The following WDPCP variants were observed in gnomAD, a reference collection of about 807,000 sequenced individuals.
The protein encoded by WDPCP is WD repeat containing planar cell polarity effector.
Under a neutral mutation model 93.1 loss-of-function variants are expected in WDPCP, and 71 were observed. The observed-to-expected ratio is 0.76, with a 90% CI of 0.63 to 0.93. WDPCP has a LOEUF of 0.93. Ranked by LOEUF, WDPCP falls within the 40% of genes least tolerant of loss-of-function variation. WDPCP has a pLI of 0.00. For synonymous variants in WDPCP, 315 were observed against 315.0 expected (o/e 1.00, Z 0.00); for missense variants, 844 against 887.4 (o/e 0.95, Z 0.62).
intron 14 of WDPCP, among the ~76,000 whole-genome samples, chr2:63,176,396 A>T (rs1673805232): frequency 6.6e-6 from 1 of 151,944 alleles, no homozygotes. Flanking sequence ...ACAGGTGTGT[A>T]CCACAATGCA....
chr2:63,643,998 GC>G, intron 3 of WDPCP: 1 of 468,316 alleles, frequency 2.1e-6, no homozygotes. Context: ...AGCATCCAAT[GC>G]TTTGGAGCTG....
At chr2:63,443,245 G>A (rs1426790171) in intron 6 of WDPCP, 2 of 152,082 alleles carry the variant, frequency 1.3e-5, no homozygotes, top group Non-Finnish European at 2.9e-5. Flanking sequence ...TTCAAGTGTG[G>A]ACACAGATAA....
At chr2:63,180,493 A>C (rs2104080629) in intron 14 of WDPCP, among the ~76,000 whole-genome samples, 1 of 152,174 alleles carries the variant, frequency 6.6e-6, no homozygotes, top group South Asian at 2.1e-4. Flanking sequence ...CAGTTCCATC[A>C]ATGTTGCTGC....
chr2:63,426,236 A>C (rs1696281030), intron 9 of WDPCP, among the ~76,000 whole-genome samples: 1 of 152,096 alleles, frequency 6.6e-6, no homozygotes, highest in South Asian at 2.1e-4. Flanking sequence ...GCTACTCAGG[A>C]GTCTGAGGCA....
At position 63,707,291 on chromosome 2, in the gene WDPCP, C is replaced by T. The variant is rs534424676; in HGVS notation, n.309-56453G>A. 2.6e-5 allele frequency among the ~76,000 whole-genome samples: 4 copies of T among 152,316 alleles called. No individual in the cohort carries two copies. The South Asian group carries it at 8.3e-4, about 32-fold the overall frequency. On this transcript the variant is annotated intron_variant and non_coding_transcript_variant, in intron 2 of 4. Coordinates refer to the WDPCP transcript ENST00000467687. ...ATCAGATGTAGATTTGGTCTTTTCA[C>T]ATAGTCCCATATTTCTTGGAGGCTT...
chr2:63,475,423 G>A (rs896540325), intron 6 of WDPCP, among the ~76,000 whole-genome samples: 1 of 151,950 alleles, frequency 6.6e-6, no homozygotes, highest in Admixed American at 6.6e-5. Context: ...CTGAACTTAA[G>A]ATACTGTACT....
At chr2:63,191,252 C>T (rs1321112729) in intron 14 of WDPCP, among the ~76,000 whole-genome samples, 2 of 152,034 alleles carry the variant, frequency 1.3e-5, no homozygotes, top group Admixed American at 6.5e-5. Flanking sequence ...ATTAGCCAGG[C>T]GTGGTGGCGG....
At chr2:63,169,568 A>G (rs1282288904) in intron 15 of WDPCP, among the ~76,000 whole-genome samples, 2 of 152,208 alleles carry the variant, frequency 1.3e-5, no homozygotes, top group South Asian at 2.1e-4. Context: ...CCTTCTGGTA[A>G]AAAGATCAAA....
In WDPCP at chr2:63,303,614, C is replaced by T. The variant is rs192350260; in HGVS notation, c.1812+9634G>A. ...ACACATACCCCTCTGGAGTGGTCCA[C>T]TGACTGAGGTTGGAGGCCTTTTGGC... On this transcript the variant is annotated intron_variant, in intron 13 of 17. Coordinates refer to ENST00000272321, the MANE Select transcript of WDPCP (RefSeq NM_015910.7). Among the ~76,000 whole-genome samples, 15 of 152,282 alleles carry T rather than the reference C, an allele frequency of 9.9e-5. No homozygotes were observed. The South Asian group carries it at 1.0e-3, about 11-fold the overall frequency.
At chr2:63,291,983 A>C (rs1216324034) in intron 13 of WDPCP, among the ~76,000 whole-genome samples, 2 of 151,336 alleles carry the variant, frequency 1.3e-5, no homozygotes, top group African/African-American at 4.8e-5. Flanking sequence ...AATACAAAAA[A>C]TTAGCCGGGC....
chr2:63,616,298 G>A (rs938655326), intron 3 of WDPCP, among the ~76,000 whole-genome samples: 7 of 152,058 alleles, frequency 4.6e-5, no homozygotes, highest in African/African-American at 1.7e-4. Flanking sequence ...ATTATAAATG[G>A]AAAAGCCTTG....
intron 1 of WDPCP, among the ~76,000 whole-genome samples, chr2:63,569,326 T>C (rs1707302425): frequency 1.3e-5 from 2 of 152,192 alleles, no homozygotes; most frequent in Admixed American, 1.3e-4. Context: ...AAGAATGCAA[T>C]TGGGAAGGGA....
intron 6 of WDPCP, among the ~76,000 whole-genome samples, chr2:63,481,285 T>C (rs1042575882): frequency 3.3e-5 from 5 of 152,100 alleles, no homozygotes; most frequent in Admixed American, 1.3e-4. Context: ...ACTTTTACAC[T>C]GCTGGTGAAA....
At chr2:63,167,770 T>A (rs1024936506) in intron 15 of WDPCP, among the ~76,000 whole-genome samples, 2 of 152,200 alleles carry the variant, frequency 1.3e-5, no homozygotes, top group African/African-American at 4.8e-5. Context: ...TTATTATGTT[T>A]AGGTATTATT....
intron 13 of WDPCP, among the ~76,000 whole-genome samples, chr2:63,281,672 C>T (rs1053260698): frequency 1.3e-5 from 2 of 152,132 alleles, no homozygotes; most frequent in African/African-American, 4.8e-5. Flanking sequence ...ATGGCATTTG[C>T]AGCAACCTGG....
chr2:63,488,901 C>G (rs1166983564), intron 2 of WDPCP, among the ~76,000 whole-genome samples: 7 of 151,734 alleles, frequency 4.6e-5, no homozygotes, highest in Admixed American at 3.3e-4. Context: ...AAAACACAAG[C>G]AGAATAAGGA....
intron 1 of WDPCP, among the ~76,000 whole-genome samples, chr2:63,561,371 G>C (rs575714310): frequency 6.6e-6 from 1 of 151,984 alleles, no homozygotes; most frequent in Non-Finnish European, 1.5e-5. Context: ...CCAGCTGCTC[G>C]GGAGGCTGAG....
intron 13 of WDPCP, among the ~76,000 whole-genome samples, chr2:63,268,214 G>C (rs1377266419): frequency 6.6e-6 from 1 of 152,114 alleles, no homozygotes; most frequent in East Asian, 1.9e-4. Flanking sequence ...AGTGAAAGAA[G>C]CTAGGTACAG....
chr2:63,277,803 A>G (rs546980862), intron 13 of WDPCP, among the ~76,000 whole-genome samples: 1 of 152,348 alleles, frequency 6.6e-6, no homozygotes, highest in South Asian at 2.1e-4. Flanking sequence ...ACACAATAAT[A>G]GTGGGGGCCT....
Sources: allele counts gnomAD v4.1 joint callset (sites outside exome capture counted in the v4.1 genomes callset), GRCh38; gene constraint gnomAD v4.1.1; transcripts MANE v1.5; gene names NCBI Gene and HGNC (gene_info 2026-07-23, HGNC 2026-07-21).